CHN2: variants seen among roughly 807,000 people sequenced by gnomAD.
CHN2 encodes beta-chimaerin.
In CHN2, 35 loss-of-function variants were observed where a neutral mutation model predicts 56.3. That is an observed-to-expected ratio of 0.62 (90% confidence interval 0.47 to 0.82). The LOEUF (loss-of-function observed/expected upper bound fraction) is 0.82. Among genes scored for constraint, CHN2 ranks in the 40% least tolerant of loss-of-function variants. CHN2 has a pLI of 0.00. For synonymous variants in CHN2, 210 were observed against 212.8 expected (o/e 0.99, Z 0.12); for missense variants, 491 against 580.5 (o/e 0.85, Z 1.58).
intron 1 of CHN2, among the ~76,000 whole-genome samples, chr7:29,226,699 C>T (rs141819785): frequency 8.5e-5 from 13 of 152,292 alleles, no homozygotes; most frequent in African/African-American, 2.2e-4. Flanking sequence ...TATGACTTTT[C>T]GAATTTCCTC....
intron 1 of CHN2, among the ~76,000 whole-genome samples, chr7:29,303,399 A>G (rs1465242682): frequency 6.6e-6 from 1 of 152,148 alleles, no homozygotes; most frequent in Non-Finnish European, 1.5e-5. Context: ...TCATTGGCGC[A>G]GGCACACCAA....
chr7:29,509,462 G>A (rs1409687947), intron 12 of CHN2, 56 bp downstream of exon 12: 3 of 1,357,488 alleles, frequency 2.2e-6, no homozygotes, highest in Non-Finnish European at 3.2e-6. Context: ...GTTAATGCAT[G>A]AGGAAAAGTG....
At chr7:29,201,427 T>TC (rs1481214574) in intron 1 of CHN2, among the ~76,000 whole-genome samples, 1 of 152,084 alleles carries the variant, frequency 6.6e-6, no homozygotes, top group East Asian at 1.9e-4. Flanking sequence ...TTTTTTTTTT[T>TC]CTCTCTGGCC....
At chr7:29,147,410 CA>C (rs1480933841) in intron 2 of CHN2, 1 of 158,512 alleles carries the variant, frequency 6.3e-6, no homozygotes, top group South Asian at 2.0e-4. Flanking sequence ...ACCCGACAGT[CA>C]GGGGGAAAAA....
intron 2 of CHN2, among the ~76,000 whole-genome samples, chr7:29,165,618 A>G (rs957292974): frequency 3.3e-5 from 5 of 152,222 alleles, no homozygotes; most frequent in African/African-American, 1.2e-4. Context: ...GAATGGATAT[A>G]CTTGCACTGT....
chr7:29,340,107 A>G (rs943967800), intron 1 of CHN2, among the ~76,000 whole-genome samples: 60 of 152,264 alleles, frequency 3.9e-4, no homozygotes, highest in African/African-American at 1.4e-3. Context: ...AATGTCTTAG[A>G]TGACTAAAAA....
intron 1 of CHN2, chr7:29,146,799 G>C (rs1198980453): frequency 1.3e-6 from 2 of 1,549,472 alleles, no homozygotes; most frequent in South Asian, 2.4e-5. Flanking sequence ...TTTAAAAGCT[G>C]CTATCTTAAA....
At chr7:29,512,077 T>C (rs1791511965) in intron 12 of CHN2, among the ~76,000 whole-genome samples, 1 of 152,072 alleles carries the variant, frequency 6.6e-6, no homozygotes, top group Admixed American at 6.5e-5. Context: ...CAGCCCATTC[T>C]ACACATAACC....
chr7:29,153,359 AT>A (rs1049455175), intron 2 of CHN2, among the ~76,000 whole-genome samples: 2 of 152,058 alleles, frequency 1.3e-5, no homozygotes, highest in African/African-American at 2.4e-5. Flanking sequence ...TTATACACGG[AT>A]TTTTTTCTAG....
chr7:29,424,994 T>C (rs1804714375), intron 6 of CHN2, among the ~76,000 whole-genome samples: 2 of 152,240 alleles, frequency 1.3e-5, no homozygotes, highest in Admixed American at 1.3e-4. Flanking sequence ...GCTTGGTGCT[T>C]TGCACCTGCA....
chr7:29,202,658 C>T (rs976345759), intron 1 of CHN2, among the ~76,000 whole-genome samples: 1 of 152,170 alleles, frequency 6.6e-6, no homozygotes, highest in Non-Finnish European at 1.5e-5. Context: ...TGGGTGATAA[C>T]CTTATGCAAT....
intron 2 of CHN2, among the ~76,000 whole-genome samples, chr7:29,366,612 T>A (rs773276176): frequency 3.9e-5 from 6 of 152,204 alleles, no homozygotes; most frequent in Non-Finnish European, 7.3e-5. Flanking sequence ...AGCCTTCTTT[T>A]TATCTGTCAT....
At chr7:29,442,746 C>G (rs992297193) in intron 6 of CHN2, among the ~76,000 whole-genome samples, 6 of 152,076 alleles carry the variant, frequency 3.9e-5, no homozygotes, top group Non-Finnish European at 8.8e-5. Flanking sequence ...GTATCCACAA[C>G]CATTCTCCTA....
In CHN2 at chr7:29,398,066, G is replaced by C. The variant is rs533453168; in HGVS notation, c.177-307G>C. On this transcript the variant is annotated intron_variant, in intron 4 of 12. Transcript: ENST00000222792. ...TCCCATGGTTAAAAAAAAGGGGGGG[G>C]GGGGGCGGTGGTTGAGTAACCTGGC... 2.1e-4 allele frequency: 47 copies of C among 229,064 alleles called. No homozygotes were observed. The East Asian group carries it at 3.3e-3, about 16-fold the overall frequency. The allele number at this position is 229,064 out of a possible 1,614,324, so 14.2% of individuals were successfully genotyped here. A position where few individuals can be genotyped will look rare whatever the true frequency, so the allele number is the denominator to read the frequency against.
At chr7:29,195,200 G>A (rs1783523621) in intron 1 of CHN2, 5 of 495,016 alleles carry the variant, frequency 1.0e-5, no homozygotes, top group Non-Finnish European at 1.7e-5. Context: ...GCAGAGGTGG[G>A]AGAGCGGTGG....
At chr7:29,158,199 A>G (rs1057229172) in intron 2 of CHN2, among the ~76,000 whole-genome samples, 9 of 152,216 alleles carry the variant, frequency 5.9e-5, no homozygotes, top group Admixed American at 5.2e-4. Flanking sequence ...GAGTTCCGGA[A>G]TGAATGAATG....
chr7:29,257,830 C>T lies in CHN2; in HGVS notation c.49+62840C>T, dbSNP rs532898564. Among the ~76,000 whole-genome samples the T allele has an allele frequency of 1.1e-4, 16 of 152,312 alleles. No individual in the cohort carries two copies. The South Asian group carries it at 3.3e-3, about 32-fold the overall frequency. On this transcript the variant is annotated intron_variant, in intron 1 of 12. Transcript: ENST00000222792. ...TGAGACGGGGTCTCACTCTGTCACT[C>T]AGGCTGGAGTGCAGTGGTGTGATCT... is the stretch of plus-strand genomic sequence containing the variant.
At chr7:29,223,310 G>T (rs1785942383) in intron 1 of CHN2, among the ~76,000 whole-genome samples, 1 of 151,932 alleles carries the variant, frequency 6.6e-6, no homozygotes, top group Non-Finnish European at 1.5e-5. Flanking sequence ...CCAATTTTTG[G>T]CAGTGGCATC....
intron 1 of CHN2, among the ~76,000 whole-genome samples, chr7:29,267,598 C>T (rs1790257197): frequency 6.6e-6 from 1 of 152,134 alleles, no homozygotes; most frequent in Non-Finnish European, 1.5e-5. Context: ...CCTACTTTTC[C>T]ACAGAGAAGA....
Sources: gnomAD v4.1 joint callset for allele counts (sites outside exome capture counted in the v4.1 genomes callset) on GRCh38, gnomAD v4.1.1 for gene constraint, MANE v1.5 for transcripts, NCBI Gene and HGNC (gene_info 2026-07-23, HGNC 2026-07-21) for gene names.